The following MYO5B variants were observed in gnomAD, a reference collection of about 807,000 sequenced individuals.
MYO5B encodes myosin VB.
A neutral mutation model predicts 229.3 loss-of-function variants in MYO5B; 143 were observed. The observed-to-expected ratio is 0.62, with a 90% CI of 0.54 to 0.72. MYO5B has a LOEUF of 0.72. Among genes scored for constraint, MYO5B ranks in the 30% least tolerant of loss-of-function variants. The pLI is 0.00. For missense variants in MYO5B, 2,321 were observed against 2,331.0 expected (o/e 1.00, Z 0.09); for synonymous variants, 918 against 885.2 (o/e 1.04, Z -0.66).
At chr18:49,843,123 CA>C in intron 34 of MYO5B, 117 bp downstream of exon 34, 2 of 1,339,464 alleles carry the variant, frequency 1.5e-6, no homozygotes, top group Non-Finnish European at 2.1e-6. Context: ...CATTTACCTT[CA>C]AAGTTGGAGC....
rs566881802 is a variant in MYO5B, at chr18:50,186,990, A to G, written c.27+7777T>C. ...AAGCAAATCCCAGGCATCATTTGCA[A>G]GAACCCCAGATCCTGACATTTCTCC... is the stretch of plus-strand genomic sequence containing the variant. On this transcript the variant is annotated intron_variant, in intron 1 of 39. Coordinates refer to ENST00000285039, the MANE Select transcript of MYO5B (RefSeq NM_001080467.3). Among the ~76,000 whole-genome samples, 4 of 152,308 alleles carry G rather than the reference A, an allele frequency of 2.6e-5. No individual in the cohort carries two copies. In the South Asian group the frequency reaches 8.3e-4, roughly 32 times the overall value.
In MYO5B at chr18:49,823,790, A is replaced by G. The variant is rs1333692369; in HGVS notation, c.*2681T>C. On this transcript the variant is annotated 3_prime_UTR_variant, in exon 40 of 40. Transcript: ENST00000285039. ...TAATATGCTTGTCAGCTTCAGCAACAACTCATGTGTACATTCACATTTACT... is the reference window on the plus strand; with the variant it reads ...TAATATGCTTGTCAGCTTCAGCAACGACTCATGTGTACATTCACATTTACT... 2.0e-5 allele frequency: 3 copies of G among 152,516 alleles called. No homozygotes were observed. Among genetic ancestry groups the G allele is most frequent in the Non-Finnish European group, 4.4e-5 (3 of 68,042 alleles). The allele number at this position is 152,516 out of a possible 1,614,324, so 9.4% of individuals were successfully genotyped here. A position where few individuals can be genotyped will look rare whatever the true frequency, so the allele number is the denominator to read the frequency against.
chr18:49,823,300 T>C lies in MYO5B; in HGVS notation c.*3171A>G, dbSNP rs191533573. Reference sequence around the variant, plus strand: ...TTATTTGGCTCATGCAGCAAATTAATTGGAGAAACTGACCACAAATATTCT... The same window carrying C: ...TTATTTGGCTCATGCAGCAAATTAACTGGAGAAACTGACCACAAATATTCT... On this transcript the variant is annotated 3_prime_UTR_variant, in exon 40 of 40. Transcript: ENST00000285039. 2.0e-5 allele frequency: 3 copies of C among 152,372 alleles called. No homozygotes were observed. The highest frequency in any genetic ancestry group is 4.8e-5 in the African/African-American group (2 of 41,598). 9.4% of individuals were successfully genotyped at this position (152,372 alleles called of 1,614,324 possible). A position where few individuals can be genotyped will look rare whatever the true frequency, so the allele number is the denominator to read the frequency against.
intron 26 of MYO5B, among the ~76,000 whole-genome samples, chr18:49,875,247 A>G (rs746152532): frequency 1.3e-5 from 2 of 152,190 alleles, no homozygotes; most frequent in Non-Finnish European, 2.9e-5. Flanking sequence ...GCCATGAGAG[A>G]GGAAAGTGAG....
At chr18:49,873,413 GA>G (rs2024479181) in intron 26 of MYO5B, among the ~76,000 whole-genome samples, 1 of 152,232 alleles carries the variant, frequency 6.6e-6, no homozygotes, top group Admixed American at 6.5e-5. Flanking sequence ...CAGGCTTGGA[GA>G]CAGGAACAGG....
At chr18:50,080,290 T>C (rs2031187753) in intron 1 of MYO5B, among the ~76,000 whole-genome samples, 1 of 152,038 alleles carries the variant, frequency 6.6e-6, no homozygotes, top group African/African-American at 2.4e-5. Flanking sequence ...TCTTAAAGGA[T>C]CTGCATCTAG....
Position 49,839,221 on chromosome 18 carries a change from T to A in MYO5B, c.4775A>T (p.Gln1592Leu). ...LKNFDLTEYR[Q>L]VLSDLSIQIY... ...CTGAATGGAAAGGTCACTCAGCACC[T>A]GACGGTATTCGGTGAGGTCAAAATT... Residue 1592 changes from glutamine (Q) to leucine (L), a missense_variant, in exon 36 of 40, where the codon CAG becomes CTG. Gln to Leu is a moderately radical substitution (Grantham distance 113). Transcript: ENST00000285039. The A allele has an allele frequency of 6.2e-7, 1 of 1,614,218 alleles. No homozygotes were observed. Among genetic ancestry groups the A allele is most frequent in the East Asian group, 2.2e-5 (1 of 44,888 alleles).
intron 1 of MYO5B, among the ~76,000 whole-genome samples, chr18:50,073,902 A>G (rs3898016): frequency 0.093 from 14,158 of 152,096 alleles, 1,211 homozygotes; most frequent in African/African-American, 0.23. Context: ...TCACTCTACT[A>G]CCAACAGGTA....
intron 4 of MYO5B, among the ~76,000 whole-genome samples, chr18:50,009,152 T>A (rs4939611): frequency 1.3e-5 from 2 of 151,996 alleles, no homozygotes; most frequent in Non-Finnish European, 2.9e-5. Context: ...CTGAGGCAGG[T>A]GGATCACTTG....
At chr18:49,917,644 A>T (rs913034307) in intron 17 of MYO5B, among the ~76,000 whole-genome samples, 2 of 152,006 alleles carry the variant, frequency 1.3e-5, no homozygotes, top group Admixed American at 6.5e-5. Flanking sequence ...TAATCACCCA[A>T]TCCTGGCTTG....
At chr18:50,051,466 G>A (rs550812648) in intron 2 of MYO5B, among the ~76,000 whole-genome samples, 1 of 152,272 alleles carries the variant, frequency 6.6e-6, no homozygotes, top group African/African-American at 2.4e-5. Flanking sequence ...AGTTTTCCCT[G>A]ACACTAGAAG....
chr18:49,951,303 A>G (rs1004126386), intron 14 of MYO5B, among the ~76,000 whole-genome samples: 1 of 152,132 alleles, frequency 6.6e-6, no homozygotes, highest in South Asian at 2.1e-4. Context: ...TTCCTAGCAA[A>G]TGGTTGAACC....
chr18:49,987,135 C>T (rs928682112), intron 7 of MYO5B, among the ~76,000 whole-genome samples: 14 of 152,148 alleles, frequency 9.2e-5, no homozygotes, highest in Non-Finnish European at 1.5e-5. Context: ...GATAGACACC[C>T]CGCCTTCCGA....
chr18:50,192,209 G>A (rs1402075991), intron 1 of MYO5B, among the ~76,000 whole-genome samples: 1 of 152,216 alleles, frequency 6.6e-6, no homozygotes, highest in African/African-American at 2.4e-5. Context: ...GTTGAGCAAA[G>A]TTCGCACTTG....
At chr18:50,026,315 T>C (rs139257251) in intron 4 of MYO5B, among the ~76,000 whole-genome samples, 152,382 of 152,386 alleles carry the variant, frequency 1, 76,189 homozygotes, top group Middle Eastern at 1. Context: ...CTGTAAACTG[T>C]AAAAGGGCAG....
rs369003781 is a variant in MYO5B, at chr18:49,864,243, G to A, written c.3741C>T (p.Leu1247=). 3.2e-5 allele frequency: 51 copies of A among 1,614,128 alleles called. 1 individual carries two copies. The Middle Eastern group carries it at 4.9e-4, about 16-fold the overall frequency. The change falls in exon 28 of 40, where the codon CTC becomes CTT. Residue 1247 remains leucine, a synonymous_variant. Coordinates refer to ENST00000285039, the MANE Select transcript of MYO5B (RefSeq NM_001080467.3). ...CCTCGAGCTCCTCGTGGGCCAGCTT[G>A]AGCTGGTTCAGCAGGAGGCTGTAGC... is the stretch of plus-strand genomic sequence containing the variant. The part of the protein sequence containing the change: ...PDSYSLLLNQ[L]KLAHEELEVR...
intron 1 of MYO5B, among the ~76,000 whole-genome samples, chr18:50,086,512 A>G (rs928293158): frequency 1.3e-5 from 2 of 152,202 alleles, no homozygotes; most frequent in Non-Finnish European, 2.9e-5. Flanking sequence ...CAATTGACAT[A>G]TCTAGCACCC....
At chr18:50,020,672 A>C (rs1350277957) in intron 4 of MYO5B, among the ~76,000 whole-genome samples, 4 of 152,256 alleles carry the variant, frequency 2.6e-5, no homozygotes, top group African/African-American at 7.2e-5. Context: ...CCAAGGTGGC[A>C]GCAGCAACCA....
rs556332748 is a variant in MYO5B at position 49,849,878 on chromosome 18, T to G, written c.4222-218A>C. Reference sequence around the variant, plus strand: ...AGATGATGAGTCAGAGTCCATTCTCTCAAGGCAAGACTCCTCCCAGGTCAG... The same window carrying G: ...AGATGATGAGTCAGAGTCCATTCTCGCAAGGCAAGACTCCTCCCAGGTCAG... On this transcript the variant is annotated intron_variant, in intron 31 of 39. Coordinates refer to ENST00000285039, the MANE Select transcript of MYO5B (RefSeq NM_001080467.3). 2.3e-3 allele frequency: 1,353 copies of G among 576,414 alleles called. 12 individuals carry two copies. Among genetic ancestry groups the G allele is most frequent in the South Asian group, 5.8e-3 (309 of 53,164 alleles). The allele number at this position is 576,414 out of a possible 1,614,324, so 35.7% of individuals were successfully genotyped here. A position where few individuals can be genotyped will look rare whatever the true frequency, so the allele number is the denominator to read the frequency against.
Sources: gnomAD v4.1 joint callset for allele counts (sites outside exome capture counted in the v4.1 genomes callset) on GRCh38, gnomAD v4.1.1 for gene constraint, MANE v1.5 for transcripts, NCBI Gene and HGNC (gene_info 2026-07-23, HGNC 2026-07-21) for gene names.